The following IGSF9B variants were observed in gnomAD, a reference collection of about 807,000 sequenced individuals.
IGSF9B encodes the protein immunoglobulin superfamily member 9B.
In IGSF9B, 48 loss-of-function variants were observed where a neutral mutation model predicts 143.7. That is an observed-to-expected ratio of 0.33 (90% confidence interval 0.26 to 0.42). IGSF9B has a LOEUF of 0.42. Among genes scored for constraint, IGSF9B ranks in the 20% least tolerant of loss-of-function variants. The pLI, the probability that IGSF9B is intolerant of heterozygous loss-of-function variation, is 1.00. For missense variants in IGSF9B, 1,706 were observed against 1,980.0 expected (o/e 0.86, Z 2.63); for synonymous variants, 903 against 833.1 (o/e 1.08, Z -1.44).
At position 133,919,964 on chromosome 11, in the gene IGSF9B, G is replaced by A. The variant is rs761231557; in HGVS notation, c.3761C>T (p.Ser1254Phe). ...AVSFSRKSTP[S>F]TGSPSQSSRS... is the part of the protein sequence containing the mutation. ...GCTGCTCTGGGAGGGGGAGCCTGTG[G>A]ACGGCGTAGACTTTCGAGAAAAGCT... Residue 1254 changes from serine (S) to phenylalanine (F), a missense_variant, in exon 18 of 20, where the codon TCC becomes TTC. Coordinates refer to ENST00000533871, the MANE Select transcript of IGSF9B (RefSeq NM_001277285.4). 2.1e-5 allele frequency: 33 copies of A among 1,563,774 alleles called. No individual in the cohort carries two copies. The highest frequency in any genetic ancestry group is 2.8e-5 in the Non-Finnish European group (32 of 1,154,742).
chr11:133,912,423 G>C (rs967294316), intron 18 of IGSF9B: 29 of 454,904 alleles, frequency 6.4e-5, no homozygotes, highest in African/African-American at 5.6e-4. Context: ...TTAGAGCAGG[G>C]GGCAAGCAGC....
At position 133,953,666 on chromosome 11, in the gene IGSF9B, C is replaced by A. The variant is rs1940202751; in HGVS notation, c.64+3025G>T. Among the ~76,000 whole-genome samples the A allele has an allele frequency of 6.6e-6, 1 of 152,212 alleles. No individual in the cohort carries two copies. Among genetic ancestry groups the A allele is most frequent in the Admixed American group, 6.5e-5 (1 of 15,288 alleles). The stretch of plus-strand genomic sequence containing the variant: ...ACTGTAGTCAGGGATAATGTAACGA[C>A]AGAATCTGTGGCAGACAGAGGAGGC... On this transcript the variant is annotated intron_variant, in intron 1 of 19. Coordinates refer to ENST00000533871, the MANE Select transcript of IGSF9B (RefSeq NM_001277285.4). The surrounding 1 kb of genome is among the most constrained non-coding windows in gnomAD (Gnocchi z 4.2).
chr11:133,928,495 C>T lies in IGSF9B; in HGVS notation c.1631+1176G>A, dbSNP rs1035082231. ...GTGGATAAAGGGGTCTCCCTGAACC[C>T]CCTGAGCTGCCCCAGGTGCCTGCCT... On this transcript the variant is annotated intron_variant, in intron 12 of 19. Transcript: ENST00000533871. This position sits in a 1 kb window ranked among gnomAD's most constrained non-coding sequence, Gnocchi z 4.7. 1.6e-4 allele frequency among the ~76,000 whole-genome samples: 25 copies of T among 152,214 alleles called. No individual in the cohort carries two copies. Among genetic ancestry groups the T allele is most frequent in the African/African-American group, 5.5e-4 (23 of 41,462 alleles).
At position 133,925,895 on chromosome 11, in the gene IGSF9B, A is replaced by T. The variant is rs373431052; in HGVS notation, c.1878T>A (p.Thr626=). ...TPPRCLIANR[T]QQGVLLSWLP... ...GCCAGGACAGGAGCACACCCTGCTGAGTCCGATTGGCTATGAGGCACCTCG... is the reference window on the plus strand; with the variant it reads ...GCCAGGACAGGAGCACACCCTGCTGTGTCCGATTGGCTATGAGGCACCTCG... Residue 626 remains threonine, a synonymous_variant, in exon 14 of 20, where the codon ACT becomes ACA. Transcript: ENST00000533871. The T allele has an allele frequency of 5.6e-6, 9 of 1,612,740 alleles. No homozygotes were observed. Among genetic ancestry groups the T allele is most frequent in the Non-Finnish European group, 7.6e-6 (9 of 1,179,374 alleles).
At chr11:133,919,039 C>A (rs1487603539) in intron 18 of IGSF9B, 2 of 497,636 alleles carry the variant, frequency 4.0e-6, no homozygotes, top group South Asian at 1.5e-5. Flanking sequence ...ATACCAGCTG[C>A]TACAGTTTAG....
At position 133,932,209 on chromosome 11, in the gene IGSF9B, T is replaced by C. The variant is rs1390139152; in HGVS notation, c.972A>G (p.Pro324=). The C allele has an allele frequency of 1.3e-6, 2 of 1,558,712 alleles. No individual in the cohort carries two copies. The highest frequency in any genetic ancestry group is 2.7e-5 in the African/African-American group (2 of 73,352). The change falls in exon 8 of 20, where the codon CCA becomes CCG. Residue 324 remains proline, a synonymous_variant. Transcript: ENST00000533871. ...CAGGGGGCATGTTGAGGACACGCGCTGGGTCTGCATAGAGGAAGCGCAGGT... is the reference window on the plus strand; with the variant it reads ...CAGGGGGCATGTTGAGGACACGCGCCGGGTCTGCATAGAGGAAGCGCAGGT... ...SASAYLTVQY[P]ARVLNMPPVI...
chr11:133,924,760 C>A (rs765768209), intron 15 of IGSF9B, 60 bp downstream of exon 15: 2 of 1,366,282 alleles, frequency 1.5e-6, no homozygotes, highest in African/African-American at 2.9e-5. Context: ...CAAAATGACC[C>A]CCATGCAGCT....
rs1398057654 is a variant in IGSF9B at position 133,953,974 on chromosome 11, G to A, written c.64+2717C>T. 2.0e-5 allele frequency among the ~76,000 whole-genome samples: 3 copies of A among 152,090 alleles called. No homozygotes were observed. The highest frequency in any genetic ancestry group is 4.4e-5 in the Non-Finnish European group (3 of 68,020). On this transcript the variant is annotated intron_variant, in intron 1 of 19. Transcript: ENST00000533871. This position sits in a 1 kb window ranked among gnomAD's most constrained non-coding sequence, Gnocchi z 4.2. Reference sequence around the variant, plus strand: ...CCATTCCAACCTCTGTCCCGCACCCGAGGGCTGATGGAGTCGGGTCCCAAC... The same window carrying A: ...CCATTCCAACCTCTGTCCCGCACCCAAGGGCTGATGGAGTCGGGTCCCAAC...
rs1939151841 is a variant in IGSF9B at position 133,902,456 on chromosome 11, A to ACACACACGCACACCACACACACAC, written c.*6612_*6613insGTGTGTGTGTGGTGTGCGTGTGTG. ...ACCACACACACCACCCAGACACACC[A>ACACACACGCACACCACACACACAC]CACACAGATACACACACCACACACA... On this transcript the variant is annotated 3_prime_UTR_variant, in exon 20 of 20. Coordinates refer to ENST00000533871, the MANE Select transcript of IGSF9B (RefSeq NM_001277285.4). Among the ~76,000 whole-genome samples, 2 of 143,266 alleles carry ACACACACGCACACCACACACACAC rather than the reference A, an allele frequency of 1.4e-5. No individual in the cohort carries two copies. The highest frequency in any genetic ancestry group is 3.1e-5 in the Non-Finnish European group (2 of 65,244). 94.0% of individuals were successfully genotyped at this position (143,266 alleles called of 152,430 possible). A position where few individuals can be genotyped will look rare whatever the true frequency, so the allele number is the denominator to read the frequency against.
intron 18 of IGSF9B, among the ~76,000 whole-genome samples, chr11:133,915,263 TC>T: frequency 2.5e-5 from 2 of 80,040 alleles, no homozygotes; most frequent in African/African-American, 4.6e-5. Flanking sequence ...TACTTCTCTC[TC>T]TCTCTTTTTT....
chr11:133,924,926 C>T (rs889835542), intron 14 of IGSF9B, 22 bp from the exon 15 acceptor site: 8 of 1,608,002 alleles, frequency 5.0e-6, no homozygotes, highest in Non-Finnish European at 6.8e-6. Context: ...GGGACAATAC[C>T]CAGTCAGCCG....
chr11:133,908,955 A>G lies in IGSF9B; in HGVS notation c.*114T>C, dbSNP rs1939256708. ...CGCTCTGGCAAAAGAGGGGGCATGC[A>G]GGACAAAGGTCTGGGCCGCCCTTGG... On this transcript the variant is annotated 3_prime_UTR_variant, in exon 20 of 20. Coordinates refer to ENST00000533871, the MANE Select transcript of IGSF9B (RefSeq NM_001277285.4). 2 of 875,280 alleles carry G rather than the reference A, an allele frequency of 2.3e-6. No homozygotes were observed. Among genetic ancestry groups the G allele is most frequent in the East Asian group, 5.4e-5 (2 of 37,368 alleles). 54.2% of individuals were successfully genotyped at this position (875,280 alleles called of 1,614,324 possible).
At chr11:133,946,891 G>C (rs181367200) in intron 1 of IGSF9B, among the ~76,000 whole-genome samples, 1 of 152,174 alleles carries the variant, frequency 6.6e-6, no homozygotes, top group Non-Finnish European at 1.5e-5. Context: ...GGGAAACCCC[G>C]CAGGCTGAGC....
At chr11:133,933,246 CG>C (rs1565437584) in intron 7 of IGSF9B, among the ~76,000 whole-genome samples, 1 of 152,184 alleles carries the variant, frequency 6.6e-6, no homozygotes, top group Non-Finnish European at 1.5e-5. Flanking sequence ...AGACCCCTAG[CG>C]TCAAAGCCAG....
intron 1 of IGSF9B, among the ~76,000 whole-genome samples, chr11:133,954,182 C>A (rs970137479): frequency 2.6e-5 from 4 of 152,084 alleles, no homozygotes; most frequent in Non-Finnish European, 5.9e-5. Flanking sequence ...GCTGCTCACA[C>A]GAGCGGGCGC....
Position 133,900,966 on chromosome 11 carries a change from C to T in IGSF9B, c.*8103G>A, listed in dbSNP as rs547260729. On this transcript the variant is annotated 3_prime_UTR_variant, in exon 20 of 20. Transcript: ENST00000533871. Reference sequence around the variant, plus strand: ...CCACCCCCTTTCTAATGCTGTGAAGCCAGGTTTTCTCTGAGGAACTGGTTA... The same window carrying T: ...CCACCCCCTTTCTAATGCTGTGAAGTCAGGTTTTCTCTGAGGAACTGGTTA... 71 of 152,308 alleles carry T rather than the reference C, an allele frequency of 4.7e-4. No homozygotes were observed. Among genetic ancestry groups the T allele is most frequent in the African/African-American group, 1.6e-3 (65 of 41,558 alleles). 9.4% of individuals were successfully genotyped at this position (152,308 alleles called of 1,614,324 possible). A position where few individuals can be genotyped will look rare whatever the true frequency, so the allele number is the denominator to read the frequency against.
intron 11 of IGSF9B, 36 bp downstream of exon 11, chr11:133,930,947 GT>G: frequency 6.4e-7 from 1 of 1,569,148 alleles, no homozygotes; most frequent in South Asian, 1.2e-5. Flanking sequence ...AGCCTGCTCT[GT>G]CCCCGCCGCC....
rs1939267279 is a variant in IGSF9B, at chr11:133,909,489, T to A, written c.4106-212A>T. 6.6e-6 allele frequency among the ~76,000 whole-genome samples: 1 copy of A among 152,220 alleles called. No homozygotes were observed. The highest frequency in any genetic ancestry group is 6.5e-5 in the Admixed American group (1 of 15,290). On this transcript the variant is annotated intron_variant, in intron 19 of 19. Transcript: ENST00000533871. The surrounding 1 kb of genome is among the most constrained non-coding windows in gnomAD (Gnocchi z 4.2). ...AGCAACCTGACCCTGCTCCTTTCAC[T>A]TGAATAAGAGTTAAGAAAGTGGAAT...
rs1939192236 is a variant in IGSF9B at position 133,905,133 on chromosome 11, G to T, written c.*3936C>A. ...CAGCCATCCCTGCAGTGCCCCCAAAGCTCCTTTACATGCAAGCAAAGCAAG... is the reference window on the plus strand; with the variant it reads ...CAGCCATCCCTGCAGTGCCCCCAAATCTCCTTTACATGCAAGCAAAGCAAG... On this transcript the variant is annotated 3_prime_UTR_variant, in exon 20 of 20. Transcript: ENST00000533871. The surrounding 1 kb of genome is among the most constrained non-coding windows in gnomAD (Gnocchi z 4.0). Among the ~76,000 whole-genome samples, 1 of 151,752 alleles carries T rather than the reference G, an allele frequency of 6.6e-6. No homozygotes were observed. The highest frequency in any genetic ancestry group is 2.4e-5 in the African/African-American group (1 of 41,262).
Sources: allele counts gnomAD v4.1 joint callset (sites outside exome capture counted in the v4.1 genomes callset), GRCh38; gene constraint gnomAD v4.1.1; non-coding constraint Gnocchi (gnomAD v3.1); transcripts MANE v1.5; gene names NCBI Gene and HGNC (gene_info 2026-07-23, HGNC 2026-07-21).